NEK7: variants seen among roughly 807,000 people sequenced by gnomAD.
NEK7 encodes the protein serine/threonine-protein kinase Nek7.
NEK7 carries 18 observed loss-of-function variants against 44.6 expected under a neutral mutation model. That is an observed-to-expected ratio of 0.40 (90% CI 0.28 to 0.60). The LOEUF (loss-of-function observed/expected upper bound fraction) is 0.60. Among genes scored for constraint, NEK7 ranks in the 20% least tolerant of loss-of-function variants. NEK7 has a pLI of 0.38. For synonymous variants in NEK7, 130 were observed against 121.1 expected, an observed-to-expected ratio of 1.07 and a Z score of -0.48; for missense variants, 256 against 366.5, an observed-to-expected ratio of 0.70 and a Z score of 2.46.
At position 198,157,105 on chromosome 1, in the gene NEK7, C is replaced by T. The variant is rs1368443369; in HGVS notation, c.-200C>T. 1.3e-5 allele frequency: 2 copies of T among 151,866 alleles called. No individual in the cohort carries two copies. The highest frequency in any genetic ancestry group is 2.1e-4 in the South Asian group (1 of 4,830). 9.4% of individuals were successfully genotyped at this position (151,866 alleles called of 1,614,324 possible). ...GCCTCGCAGTGCGCAGGGTGGGTGC[C>T]CCGCGCCTGCAGCGTCCGCCGGGGC... On this transcript the variant is annotated 5_prime_UTR_variant, in exon 1 of 10. Coordinates refer to ENST00000367385, the MANE Select transcript of NEK7 (RefSeq NM_133494.3).
chr1:198,275,172 A>G (rs1256926492), intron 5 of NEK7, among the ~76,000 whole-genome samples: 1 of 151,346 alleles, frequency 6.6e-6, no homozygotes, highest in East Asian at 1.9e-4. Context: ...ATAGTATTTG[A>G]AGATTTGCAT....
intron 1 of NEK7, among the ~76,000 whole-genome samples, chr1:198,210,997 C>G (rs190272493): frequency 2.0e-5 from 3 of 151,904 alleles, no homozygotes; most frequent in African/African-American, 4.8e-5. Flanking sequence ...CGTGATCCGC[C>G]CGCCTCGGCC....
intron 2 of NEK7, among the ~76,000 whole-genome samples, chr1:198,234,412 T>G (rs561873191): frequency 9.2e-5 from 14 of 152,302 alleles, no homozygotes; most frequent in Non-Finnish European, 1.9e-4. Flanking sequence ...GGACTCATTT[T>G]ACACACATAC....
intron 1 of NEK7, among the ~76,000 whole-genome samples, chr1:198,218,726 T>A: frequency 7.6e-6 from 1 of 131,206 alleles, no homozygotes; most frequent in Non-Finnish European, 1.6e-5. Context: ...AAAATCCAAT[T>A]AAAAGATTGG....
chr1:198,292,185 AC>A (rs1654579450), intron 7 of NEK7, among the ~76,000 whole-genome samples: 1 of 152,054 alleles, frequency 6.6e-6, no homozygotes, highest in African/African-American at 2.4e-5. Context: ...TCAAAGTGTA[AC>A]ATATATGCTT....
intron 1 of NEK7, among the ~76,000 whole-genome samples, chr1:198,229,682 A>G (rs1042152304): frequency 1.8e-4 from 28 of 152,336 alleles, no homozygotes; most frequent in Middle Eastern, 3.4e-3. Flanking sequence ...TGATTGTTGT[A>G]TGAAAGCAGA....
At chr1:198,246,537 C>A (rs1666841345) in intron 2 of NEK7, among the ~76,000 whole-genome samples, 3 of 152,226 alleles carry the variant, frequency 2.0e-5, no homozygotes, top group African/African-American at 7.2e-5. Flanking sequence ...GCCCTCTGGC[C>A]CTCTTTCGCC....
intron 9 of NEK7, among the ~76,000 whole-genome samples, chr1:198,317,698 C>CT (rs1655409196): frequency 6.6e-6 from 1 of 152,058 alleles, no homozygotes; most frequent in South Asian, 2.1e-4. Flanking sequence ...ATATAATGAA[C>CT]TTTTTGTACC....
At chr1:198,163,540 A>G (rs923976611) in intron 1 of NEK7, among the ~76,000 whole-genome samples, 7 of 152,194 alleles carry the variant, frequency 4.6e-5, no homozygotes, top group Admixed American at 4.6e-4. Context: ...AAATTAAAAA[A>G]AGAGACACCT....
intron 1 of NEK7, among the ~76,000 whole-genome samples, chr1:198,225,581 C>G (rs1666195991): frequency 6.6e-6 from 1 of 152,118 alleles, no homozygotes; most frequent in Admixed American, 6.5e-5. Flanking sequence ...ATACCTCTCT[C>G]ATATCAAATG....
chr1:198,264,315 T>C (rs1450405538), intron 5 of NEK7, 80 bp downstream of exon 5: 2 of 987,980 alleles, frequency 2.0e-6, no homozygotes, highest in South Asian at 1.5e-5. Context: ...CATAGGGATA[T>C]TAGATATTTT....
chr1:198,280,300 A>G (rs574202524), intron 7 of NEK7, among the ~76,000 whole-genome samples: 7 of 152,064 alleles, frequency 4.6e-5, no homozygotes, highest in Non-Finnish European at 5.9e-5. Context: ...GCATGTTTTC[A>G]CTTTATATTA....
chr1:198,223,161 C>T (rs961867499), intron 1 of NEK7, among the ~76,000 whole-genome samples: 1 of 151,992 alleles, frequency 6.6e-6, no homozygotes, highest in African/African-American at 2.4e-5. Context: ...ATTCTAAGAA[C>T]AATGAGAGCG....
At chr1:198,231,005 C>G (rs921700986) in intron 1 of NEK7, among the ~76,000 whole-genome samples, 1 of 151,708 alleles carries the variant, frequency 6.6e-6, no homozygotes, top group East Asian at 1.9e-4. Context: ...TCAACGTAAT[C>G]CCAATCAAAA....
intron 1 of NEK7, among the ~76,000 whole-genome samples, chr1:198,162,292 C>G (rs1664134690): frequency 6.6e-6 from 1 of 152,072 alleles, no homozygotes; most frequent in African/African-American, 2.4e-5. Context: ...CCAGGTAGGA[C>G]CTGGGACAAT....
rs553420461 is a variant in NEK7, at chr1:198,246,257, G to A, written c.58-6783G>A. The stretch of plus-strand genomic sequence containing the variant: ...AGTGTGGCAAAGAGACCCAAGGGTA[G>A]TTGGAGATGTGCAGCTATGCTCCTT... On this transcript the variant is annotated intron_variant, in intron 2 of 9. Transcript: ENST00000367385. Among the ~76,000 whole-genome samples the A allele has an allele frequency of 2.6e-5, 4 of 152,210 alleles. 1 individual carries two copies. Among genetic ancestry groups the A allele is most frequent in the Non-Finnish European group, 5.9e-5 (4 of 68,046 alleles).
intron 1 of NEK7, among the ~76,000 whole-genome samples, chr1:198,181,770 G>A (rs1362326100): frequency 6.6e-6 from 1 of 152,018 alleles, no homozygotes; most frequent in African/African-American, 2.4e-5. Flanking sequence ...ATGATTATTT[G>A]AAAAATTTCA....
intron 9 of NEK7, among the ~76,000 whole-genome samples, chr1:198,299,654 A>G (rs1654824643): frequency 6.6e-6 from 1 of 152,224 alleles, no homozygotes; most frequent in Admixed American, 6.5e-5. Flanking sequence ...TCAGGTATGT[A>G]TTTATGAGCT....
intron 2 of NEK7, among the ~76,000 whole-genome samples, chr1:198,241,982 T>C (rs768229901): frequency 1.5e-4 from 23 of 152,222 alleles, no homozygotes; most frequent in Non-Finnish European, 2.8e-4. Flanking sequence ...ATTTTCTGCC[T>C]AGATGGCTTC....
Sources: allele counts gnomAD v4.1 joint callset (sites outside exome capture counted in the v4.1 genomes callset), GRCh38; gene constraint gnomAD v4.1.1; transcripts MANE v1.5; gene names NCBI Gene and HGNC (gene_info 2026-07-23, HGNC 2026-07-21).